The following RGS22 variants were observed in gnomAD, a reference collection of about 807,000 sequenced individuals.
RGS22 encodes the protein regulator of G-protein signaling 22.
In RGS22, 148 loss-of-function variants were observed where a neutral mutation model predicts 172.9. That is an observed-to-expected ratio of 0.86 (90% CI 0.75 to 0.98). RGS22 has a LOEUF of 0.98. Among genes scored for constraint, RGS22 ranks in the 50% least tolerant of loss-of-function variants. RGS22 has a pLI of 0.00. For missense variants in RGS22, 1,347 were observed against 1,440.8 expected, an observed-to-expected ratio of 0.93 and a Z score of 1.05; for synonymous variants, 458 against 480.2, an observed-to-expected ratio of 0.95 and a Z score of 0.60.
At chr8:100,047,918 T>G (rs913718965) in intron 10 of RGS22, among the ~76,000 whole-genome samples, 3 of 151,882 alleles carry the variant, frequency 2.0e-5, no homozygotes, top group Non-Finnish European at 4.4e-5. Flanking sequence ...TGAATAGGTA[T>G]TAGAGCTAGA....
intron 20 of RGS22, among the ~76,000 whole-genome samples, chr8:99,995,562 T>C (rs1424380894): frequency 1.3e-5 from 2 of 152,186 alleles, no homozygotes; most frequent in East Asian, 1.9e-4. Flanking sequence ...CACAATGAGA[T>C]ACCATCTCAC....
chr8:100,081,361 T>G (rs1220589992), intron 3 of RGS22, among the ~76,000 whole-genome samples: 2 of 104,234 alleles, frequency 1.9e-5, no homozygotes, highest in African/African-American at 7.2e-5. Flanking sequence ...TGTGCGTGTA[T>G]GTATATATAT....
rs186662498 is a variant in RGS22 at position 99,994,772 on chromosome 8, G to T, written c.3018+1690C>A. On this transcript the variant is annotated intron_variant, in intron 20 of 27. Transcript: ENST00000360863. ...GAATTAGAAAAAAAACTACTTTAAA[G>T]TGCATACGGAACCAAAAAAGAGCCT... Among the ~76,000 whole-genome samples, 272 of 152,160 alleles carry T rather than the reference G, an allele frequency of 1.8e-3. 3 individuals carry two copies. Among genetic ancestry groups the T allele is most frequent in the Middle Eastern group, 3.4e-3 (1 of 294 alleles).
chr8:100,030,587 C>T (rs1418895126), intron 14 of RGS22, among the ~76,000 whole-genome samples: 1 of 152,120 alleles, frequency 6.6e-6, no homozygotes, highest in African/African-American at 2.4e-5. Flanking sequence ...AAAAAACATC[C>T]TCCTACAAAG....
Position 100,105,925 on chromosome 8 carries a change from G to A in RGS22, c.-4C>T, listed in dbSNP as rs1186218879. 4.7e-6 allele frequency: 7 copies of A among 1,486,344 alleles called. No individual in the cohort carries two copies. The highest frequency in any genetic ancestry group is 6.2e-6 in the Non-Finnish European group (7 of 1,120,954). The allele number at this position is 1,486,344 out of a possible 1,614,324, so 92.1% of individuals were successfully genotyped here. ...CGGTGAGCCTCTTCTCGGGCATGCCGTCCCCGCTGCCCGCGCCTGGAGCCC... is the reference window on the plus strand; with the variant it reads ...CGGTGAGCCTCTTCTCGGGCATGCCATCCCCGCTGCCCGCGCCTGGAGCCC... On this transcript the variant is annotated 5_prime_UTR_variant, in exon 1 of 28. It adds an upstream start codon to the 5' untranslated region. Coordinates refer to ENST00000360863, the MANE Select transcript of RGS22 (RefSeq NM_015668.5).
chr8:99,973,263 C>A (rs1811568690), intron 23 of RGS22, among the ~76,000 whole-genome samples: 1 of 152,024 alleles, frequency 6.6e-6, no homozygotes, highest in Admixed American at 6.6e-5. Flanking sequence ...TGGAACCAAC[C>A]CAAATGCCCA....
At chr8:100,042,042 G>GA in intron 11 of RGS22, 126 bp from the exon 12 acceptor site, 1 of 569,124 alleles carries the variant, frequency 1.8e-6, no homozygotes, top group African/African-American at 1.9e-5. Context: ...TGTGACTCAG[G>GA]AAAAAAAGGA....
intron 20 of RGS22, 141 bp from the exon 21 acceptor site, chr8:99,987,760 C>G (rs1813270355): frequency 2.0e-6 from 1 of 495,834 alleles, no homozygotes; most frequent in Non-Finnish European, 3.3e-6. Context: ...ATTCCTTTCT[C>G]TTTTGTCTCC....
chr8:100,052,460 C>T (rs1004349210), intron 10 of RGS22, among the ~76,000 whole-genome samples: 2 of 151,440 alleles, frequency 1.3e-5, no homozygotes, highest in African/African-American at 4.9e-5. Context: ...CGCCACCATG[C>T]CCTGCTAATT....
chr8:100,018,942 G>A (rs1263319599), intron 14 of RGS22, among the ~76,000 whole-genome samples: 2 of 148,522 alleles, frequency 1.3e-5, no homozygotes, highest in Non-Finnish European at 3.0e-5. Flanking sequence ...CCTGAGAAAT[G>A]AAAATTGTGT....
At chr8:100,053,951 T>C (rs1164448523) in intron 9 of RGS22, among the ~76,000 whole-genome samples, 1 of 152,196 alleles carries the variant, frequency 6.6e-6, no homozygotes, top group East Asian at 1.9e-4. Flanking sequence ...ATTTTTATAA[T>C]GCTTAAGTAT....
intron 2 of RGS22, among the ~76,000 whole-genome samples, chr8:100,093,869 T>C (rs1812771880): frequency 6.6e-6 from 1 of 152,198 alleles, no homozygotes; most frequent in Non-Finnish European, 1.5e-5. Context: ...ATTAAATATA[T>C]ACATATTTCA....
chr8:100,098,871 AT>A (rs1269645887), intron 2 of RGS22, among the ~76,000 whole-genome samples: 55 of 16,262 alleles, frequency 3.4e-3, no homozygotes, highest in African/African-American at 0.012. Flanking sequence ...TATTTATTTT[AT>A]TTTATTTTAT....
At chr8:100,000,732 T>C (rs1002760807) in intron 18 of RGS22, among the ~76,000 whole-genome samples, 2 of 152,232 alleles carry the variant, frequency 1.3e-5, no homozygotes, top group Admixed American at 6.5e-5. Flanking sequence ...GTTTATTTCA[T>C]ACTTGTGCTT....
intron 2 of RGS22, 35 bp from the exon 3 acceptor site, chr8:100,093,544 A>T (rs779508952): frequency 7.2e-7 from 1 of 1,388,228 alleles, no homozygotes; most frequent in East Asian, 2.3e-5. Flanking sequence ...CAGTATTATA[A>T]TTATACATTT....
intron 7 of RGS22, among the ~76,000 whole-genome samples, chr8:100,065,246 T>C (rs1406790769): frequency 1.3e-5 from 2 of 152,284 alleles, no homozygotes; most frequent in East Asian, 1.9e-4. Context: ...GGATGTACAC[T>C]CAATCCCATG....
chr8:100,005,627 C>T (rs763990102), intron 16 of RGS22, among the ~76,000 whole-genome samples: 10 of 152,154 alleles, frequency 6.6e-5, no homozygotes, highest in Non-Finnish European at 1.3e-4. Flanking sequence ...CGCTGTCACG[C>T]AACAGTTTCT....
chr8:100,043,784 AAAAAC>A (rs1230439318), intron 11 of RGS22, among the ~76,000 whole-genome samples: 2 of 152,102 alleles, frequency 1.3e-5, no homozygotes, highest in Admixed American at 6.5e-5. Context: ...AAAAAAAACA[AAAAAC>A]AAAACAAAAC....
chr8:100,052,755 T>C (rs1186997344), intron 10 of RGS22, 47 bp downstream of exon 10: 1 of 1,536,284 alleles, frequency 6.5e-7, no homozygotes, highest in South Asian at 1.1e-5. Context: ...AGCATACATA[T>C]TTTACTACAA....
Sources: allele counts gnomAD v4.1 joint callset (sites outside exome capture counted in the v4.1 genomes callset), GRCh38; gene constraint gnomAD v4.1.1; transcripts MANE v1.5; gene names NCBI Gene and HGNC (gene_info 2026-07-23, HGNC 2026-07-21).